The following NRG1 variants were observed in gnomAD, a reference collection of about 807,000 sequenced individuals.
The protein encoded by NRG1 is pro-neuregulin-1, membrane-bound isoform.
Under a neutral mutation model 63.8 loss-of-function variants are expected in NRG1, and 18 were observed. The ratio of observed to expected loss-of-function variants is 0.28; its 90% CI spans 0.19 to 0.42. NRG1 has a LOEUF of 0.42. Among genes scored for constraint, NRG1 ranks in the 10% least tolerant of loss-of-function variants. NRG1 has a pLI of 1.00. For missense variants in NRG1, 762 were observed against 814.7 expected, an observed-to-expected ratio of 0.94 and a Z score of 0.79; for synonymous variants, 302 against 301.3, an observed-to-expected ratio of 1.00 and a Z score of -0.02.
At chr8:32,592,344 C>G (rs1288001172) in intron 1 of NRG1, among the ~76,000 whole-genome samples, 1 of 152,024 alleles carries the variant, frequency 6.6e-6, no homozygotes, top group African/African-American at 2.4e-5. Context: ...CAATAATATC[C>G]TATACAGCTC....
chr8:32,410,904 C>T (rs61344778), intron 1 of NRG1, among the ~76,000 whole-genome samples: 40,524 of 148,848 alleles, frequency 0.27, 5,783 homozygotes, highest in Middle Eastern at 0.34. Context: ...TGAGATGGAG[C>T]CTTGCTCTGT....
At chr8:31,860,767 C>T (rs932093015) in intron 1 of NRG1, among the ~76,000 whole-genome samples, 51 of 152,262 alleles carry the variant, frequency 3.3e-4, no homozygotes, top group African/African-American at 1.1e-3. Context: ...TTTTTCCCTC[C>T]TCCATTCAAA....
At chr8:32,012,801 T>C (rs1470371407) in intron 1 of NRG1, among the ~76,000 whole-genome samples, 2 of 152,138 alleles carry the variant, frequency 1.3e-5, no homozygotes, top group Non-Finnish European at 2.9e-5. Context: ...CCAGAAGTGG[T>C]ATCAATTATT....
chr8:32,116,342 T>C (rs561424234), intron 1 of NRG1, among the ~76,000 whole-genome samples: 16 of 152,238 alleles, frequency 1.1e-4, no homozygotes, highest in Non-Finnish European at 1.3e-4. Context: ...AAAAGTGGGA[T>C]TCGTCTAAGC....
Position 32,284,489 on chromosome 8 carries a change from G to GCCTGCCTGCCTGCCTTCCTTCCTTCCTT in NRG1, c.38-311336_38-311335insGCCTGCCTGCCTTCCTTCCTTCCTTCCT, listed in dbSNP as rs1338557078. On this transcript the variant is annotated intron_variant, in intron 1 of 10. Transcript: ENST00000519301. ...ATAATGCTTGCCTCCCTGCCTGCCTGCCTTCCTTCCTTCCTTCCTTCCTTC... is the reference window on the plus strand; with the variant it reads ...ATAATGCTTGCCTCCCTGCCTGCCTGCCTGCCTGCCTGCCTTCCTTCCTTCCTTCCTTCCTTCCTTCCTTCCTTCCTTC... Among the ~76,000 whole-genome samples, 317 of 132,554 alleles carry GCCTGCCTGCCTGCCTTCCTTCCTTCCTT rather than the reference G, an allele frequency of 2.4e-3. 1 individual carries two copies. The highest frequency in any genetic ancestry group is 7.6e-3 in the Middle Eastern group (2 of 262). 87.0% of individuals were successfully genotyped at this position (132,554 alleles called of 152,430 possible).
chr8:32,491,881 G>T (rs1201433629), intron 1 of NRG1, among the ~76,000 whole-genome samples: 1 of 152,106 alleles, frequency 6.6e-6, no homozygotes, highest in Non-Finnish European at 1.5e-5. Context: ...GAATTAGATG[G>T]GGTATCATTC....
chr8:31,891,879 C>A (rs1386626023), intron 1 of NRG1, among the ~76,000 whole-genome samples: 2 of 152,118 alleles, frequency 1.3e-5, no homozygotes, highest in African/African-American at 4.8e-5. Context: ...GAGAAATATG[C>A]TGAGTGAGAA....
intron 1 of NRG1, among the ~76,000 whole-genome samples, chr8:31,948,246 G>A (rs1346649774): frequency 1.3e-5 from 2 of 151,878 alleles, no homozygotes; most frequent in Admixed American, 1.3e-4. Context: ...AATGCACCTT[G>A]CACTTTAGCT....
At chr8:32,552,992 T>C (rs1422184196) in intron 1 of NRG1, among the ~76,000 whole-genome samples, 1 of 152,222 alleles carries the variant, frequency 6.6e-6, no homozygotes, top group Non-Finnish European at 1.5e-5. Flanking sequence ...ATATTGTGTA[T>C]TTTGTCATCC....
At chr8:32,614,701 A>C (rs1178743499) in intron 4 of NRG1, 137 bp downstream of exon 4, 10 of 774,002 alleles carry the variant, frequency 1.3e-5, no homozygotes. Context: ...TATTTTTCTC[A>C]ACCTTGTTCT....
chr8:32,407,146 G>C (rs1449727513), intron 1 of NRG1, among the ~76,000 whole-genome samples: 1 of 151,092 alleles, frequency 6.6e-6, no homozygotes, highest in Non-Finnish European at 1.5e-5. Context: ...TTTTAACAGA[G>C]GTAATATATG....
intron 6 of NRG1, chr8:32,728,754 T>G (rs907335909): frequency 2.8e-6 from 2 of 713,362 alleles, no homozygotes; most frequent in African/African-American, 3.9e-5. Context: ...CTGAAGGAGT[T>G]GATGCACCAT....
rs372889918 is a variant in NRG1 at position 32,234,958 on chromosome 8, G to A, written c.38-360870G>A. Among the ~76,000 whole-genome samples the A allele has an allele frequency of 2.8e-4, 42 of 152,100 alleles. No individual in the cohort carries two copies. The South Asian group carries it at 6.8e-3, about 25-fold the overall frequency. ...TCTTTCCAGGACAAGTATGTTGTAAGAATTAATTAATAGTCTTAGAACCAT... is the reference window on the plus strand; with the variant it reads ...TCTTTCCAGGACAAGTATGTTGTAAAAATTAATTAATAGTCTTAGAACCAT... On this transcript the variant is annotated intron_variant, in intron 1 of 10. Transcript: ENST00000519301.
intron 1 of NRG1, among the ~76,000 whole-genome samples, chr8:31,882,392 A>G (rs1830419792): frequency 6.6e-6 from 1 of 151,610 alleles, no homozygotes; most frequent in South Asian, 2.1e-4. Context: ...TTGACAATAC[A>G]CCTGGTCACT....
intron 1 of NRG1, among the ~76,000 whole-genome samples, chr8:32,357,337 A>G (rs1165943409): frequency 6.6e-6 from 1 of 152,232 alleles, no homozygotes; most frequent in African/African-American, 2.4e-5. Context: ...GAAAGGATGT[A>G]AAATCATGGA....
chr8:32,128,102 T>C (rs1402445331), intron 1 of NRG1, among the ~76,000 whole-genome samples: 1 of 151,944 alleles, frequency 6.6e-6, no homozygotes, highest in Non-Finnish European at 1.5e-5. Context: ...CTGAACATTT[T>C]TGGCTGCAAC....
chr8:32,207,325 C>A (rs1844175248), intron 1 of NRG1, among the ~76,000 whole-genome samples: 1 of 152,056 alleles, frequency 6.6e-6, no homozygotes, highest in African/African-American at 2.4e-5. Context: ...TGCCATTTCT[C>A]TTAATGCCAT....
chr8:32,515,892 T>C, intron 1 of NRG1, among the ~76,000 whole-genome samples: 1 of 152,218 alleles, frequency 6.6e-6, no homozygotes, highest in East Asian at 1.9e-4. Context: ...TTGTTTCTTT[T>C]CCTGTGCAGA....
chr8:32,729,866 T>C (rs981519077), intron 6 of NRG1, among the ~76,000 whole-genome samples: 6 of 152,320 alleles, frequency 3.9e-5, no homozygotes, highest in African/African-American at 1.2e-4. Context: ...TGGGACCTCA[T>C]GGCTCTGAAC....
Sources: allele counts gnomAD v4.1 joint callset (sites outside exome capture counted in the v4.1 genomes callset), GRCh38; gene constraint gnomAD v4.1.1; transcripts MANE v1.5; gene names NCBI Gene and HGNC (gene_info 2026-07-23, HGNC 2026-07-21).